Variants in GAK observed in about 807,000 individuals in gnomAD.
GAK encodes cyclin-G-associated kinase.
In GAK, 79 loss-of-function variants were observed where a neutral mutation model predicts 143.9. The ratio of observed to expected loss-of-function variants is 0.55; its 90% CI spans 0.46 to 0.66. The LOEUF is 0.66. Ranked by LOEUF, GAK falls within the 30% of genes least tolerant of loss-of-function variation. The pLI is 0.00. For synonymous variants in GAK, 881 were observed against 765.5 expected (o/e 1.15, Z -2.49); for missense variants, 1,693 against 1,779.7 (o/e 0.95, Z 0.88).
intron 1 of GAK, among the ~76,000 whole-genome samples, chr4:922,073 T>A (rs775315036): frequency 1.3e-4 from 20 of 152,092 alleles, no homozygotes; most frequent in Admixed American, 2.6e-4. Flanking sequence ...CCAAAATGCA[T>A]CTGCGGAAGC....
chr4:924,601 G>A (rs1022367428), intron 1 of GAK, among the ~76,000 whole-genome samples: 3 of 152,174 alleles, frequency 2.0e-5, no homozygotes, highest in East Asian at 1.9e-4. Context: ...CAGCACATAC[G>A]GTTTGGATCT....
intron 24 of GAK, among the ~76,000 whole-genome samples, chr4:858,356 C>T (rs1198905232): frequency 6.6e-6 from 1 of 152,214 alleles, no homozygotes; most frequent in Non-Finnish European, 1.5e-5. Flanking sequence ...TTCAGGCCGC[C>T]CACCGAGCCA....
chr4:905,535 C>CGCTACGGACTCCGCCACGCCCCATGCCAT (rs1560410391), intron 4 of GAK, among the ~76,000 whole-genome samples: 2 of 148,842 alleles, frequency 1.3e-5, no homozygotes, highest in Non-Finnish European at 3.0e-5. Context: ...CCCCATGCCA[C>CGCTACGGACTCCGCCACGCCCCATGCCAT]GCTACGGACT....
At position 883,413 on chromosome 4, in the gene GAK, C is replaced by T. The variant is rs200352055; in HGVS notation, c.1306G>A (p.Glu436Lys). ...GAGTCCAGGAACAACCGCACATCTTCGATGTTGTTTTTGAGCGCTGACTCC... is the reference window on the plus strand; with the variant it reads ...GAGTCCAGGAACAACCGCACATCTTTGATGTTGTTTTTGAGCGCTGACTCC... ...GVESALKNNI[E>K]DVRLFLDSKH... The change falls in exon 13 of 28, where the codon GAA (glutamate) becomes AAA (lysine). Residue 436 changes from glutamate to lysine, a missense_variant. By Grantham distance (56) the Glu-to-Lys change is moderately conservative. This residue lies in a region of GAK where 871 missense variants were observed against 991.0 expected (regional missense o/e 0.88). Coordinates refer to ENST00000314167, the MANE Select transcript of GAK (RefSeq NM_005255.4). 52 of 1,613,680 alleles carry T rather than the reference C, an allele frequency of 3.2e-5. No individual in the cohort carries two copies. Among genetic ancestry groups the T allele is most frequent in the South Asian group, 3.3e-5 (3 of 91,090 alleles).
chr4:922,209 T>C (rs924492075), intron 1 of GAK, among the ~76,000 whole-genome samples: 2 of 151,980 alleles, frequency 1.3e-5, no homozygotes, highest in African/African-American at 4.8e-5. Flanking sequence ...GATGTCAGCA[T>C]CCCCTCAGCA....
chr4:896,183 G>C (rs557656048), intron 7 of GAK, among the ~76,000 whole-genome samples: 2 of 152,314 alleles, frequency 1.3e-5, no homozygotes, highest in Non-Finnish European at 2.9e-5. Flanking sequence ...AGGATCCCTT[G>C]AGCCCAGGGG....
chr4:904,485 G>A, intron 5 of GAK, 152 bp downstream of exon 5: 1 of 769,540 alleles, frequency 1.3e-6, no homozygotes, highest in Admixed American at 3.6e-5. Context: ...TGAGGTCCCT[G>A]TGGATGATGG....
rs761704554 is a variant in GAK at position 896,477 on chromosome 4, C to T, written c.724G>A (p.Glu242Lys). 21 of 1,613,856 alleles carry T rather than the reference C, an allele frequency of 1.3e-5. No homozygotes were observed. The highest frequency in any genetic ancestry group is 2.2e-5 in the East Asian group (1 of 44,894). ...GACCTCACCCAGATATCCTGCTTCTCGCCGATCGGGAAGTTGGAATACAAG... is the reference window on the plus strand; with the variant it reads ...GACCTCACCCAGATATCCTGCTTCTTGCCGATCGGGAAGTTGGAATACAAG... ...IDLYSNFPIG[E>K]KQDIWALGCI... Residue 242 changes from glutamate (E) to lysine (K), a missense_variant, in exon 7 of 28, where the codon GAG becomes AAG. This residue lies in a region of GAK where 871 missense variants were observed against 991.0 expected (regional missense o/e 0.88). Transcript: ENST00000314167.
chr4:868,585 G>C lies in GAK; in HGVS notation c.2349C>G (p.Ser783Arg), dbSNP rs770790242. The change falls in exon 20 of 28, where the codon AGC becomes AGG. Residue 783 changes from serine to arginine, a missense_variant. Ser to Arg is a moderately radical substitution (Grantham distance 110). Transcript: ENST00000314167. ...AEPTDSDSPP[S>R]SSADASRFLH... ...GGAAGCGACTGGCGTCCGCGCTGCT[G>C]CTTGGCGGTGAGTCAGAGTCTGTGG... 19 of 1,604,638 alleles carry C rather than the reference G, an allele frequency of 1.2e-5. No homozygotes were observed. The African/African-American group carries it at 2.4e-4, about 20-fold the overall frequency.
rs1333893052 is a variant in GAK, at chr4:882,812, T to A, written c.1412A>T (p.Glu471Val). ...RPSRFHNRVSECGWAARRAPH... is the reference protein window; with the variant it reads ...RPSRFHNRVSVCGWAARRAPH... Reference sequence around the variant, plus strand: ...GGCCCGCCGTGCTGCCCAGCCACACTCGGAGACCTGTGGGGACAGGGCACG... The same window carrying A: ...GGCCCGCCGTGCTGCCCAGCCACACACGGAGACCTGTGGGGACAGGGCACG... The change falls in exon 14 of 28, where the codon GAG (glutamate) becomes GTG (valine). Residue 471 changes from glutamate to valine, a missense_variant. Physicochemically the swap from Glu to Val is moderately radical, Grantham distance 121. Around this residue, in one of 2 missense-constraint regions of GAK, gnomAD observed 871 missense variants for 991.0 expected, o/e 0.88. Coordinates refer to ENST00000314167, the MANE Select transcript of GAK (RefSeq NM_005255.4). 6.2e-7 allele frequency: 1 copy of A among 1,609,876 alleles called. No individual in the cohort carries two copies. The highest frequency in any genetic ancestry group is 8.5e-7 in the Non-Finnish European group (1 of 1,179,852).
At chr4:851,381 C>A in intron 25 of GAK, 2 of 460,962 alleles carry the variant, frequency 4.3e-6, no homozygotes, top group East Asian at 4.2e-5. Flanking sequence ...TAGGCGTGAG[C>A]CACAAAGCCC....
rs1231492448 is a variant in GAK at position 893,377 on chromosome 4, C to T, written c.990G>A (p.Glu330=). 2 of 1,569,464 alleles carry T rather than the reference C, an allele frequency of 1.3e-6. No homozygotes were observed. Among genetic ancestry groups the T allele is most frequent in the East Asian group, 2.3e-5 (1 of 42,654 alleles). The part of the protein sequence containing the change: ...RNVNPKSPIT[E]LLEQNGGYGS... Reference sequence around the variant, plus strand: ...TGGGGCTCACGTGTGCCTCCCTCACCTCTGTGATGGGAGACTTGGGGTTCA... The same window carrying T: ...TGGGGCTCACGTGTGCCTCCCTCACTTCTGTGATGGGAGACTTGGGGTTCA... Residue 330 remains glutamate, a splice_region_variant and synonymous_variant, in exon 9 of 28, where the codon GAG becomes GAA. Transcript: ENST00000314167.
chr4:897,064 C>A (rs979208813), intron 6 of GAK, among the ~76,000 whole-genome samples: 5 of 152,196 alleles, frequency 3.3e-5, no homozygotes, highest in African/African-American at 1.2e-4. Flanking sequence ...GAGGCTGGGG[C>A]CACAGAGCTG....
At chr4:850,296 A>C (rs1416286638) in intron 26 of GAK, 3 of 434,296 alleles carry the variant, frequency 6.9e-6, no homozygotes, top group African/African-American at 2.0e-5. Flanking sequence ...GGCCAGAGGG[A>C]CCCTCGTCTC....
intron 3 of GAK, 139 bp from the exon 4 acceptor site, chr4:911,926 A>C: frequency 1.5e-6 from 1 of 645,548 alleles, no homozygotes; most frequent in South Asian, 1.7e-5. Context: ...GTCAGAGCGG[A>C]AGATGAGGGA....
Position 904,640 on chromosome 4 carries a change from G to C in GAK, c.522C>G (p.Leu174=). ...CGCGTGTGGAGGGAGCCACTACCTT[G>C]AGGTCCCTGTGGATGATGGGCGGCT... ...RQKPPIIHRD[L]KVENLLLSNQ... is the part of the protein sequence containing the mutation. The change falls in exon 5 of 28, where the codon CTC becomes CTG. Residue 174 remains leucine (L), a synonymous_variant. Coordinates refer to ENST00000314167, the MANE Select transcript of GAK (RefSeq NM_005255.4). 6.3e-7 allele frequency: 1 copy of C among 1,589,254 alleles called. No individual in the cohort carries two copies. Among genetic ancestry groups the C allele is most frequent in the South Asian group, 1.1e-5 (1 of 87,696 alleles).
Position 867,376 on chromosome 4 carries a change from C to T in GAK, c.2452G>A (p.Ala818Thr). The part of the protein sequence containing the change: ...ENASSKESES[A>T]LMEDRDESEV... ...CTCTCGTCTCTGTCCTCCATCAGGG[C>T]AGACTCGCTCTCCTTGGAAGAGGCA... is the stretch of plus-strand genomic sequence containing the variant. The change falls in exon 21 of 28, where the codon GCC (alanine) becomes ACC (threonine). Residue 818 changes from alanine to threonine, a missense_variant. Coordinates refer to ENST00000314167, the MANE Select transcript of GAK (RefSeq NM_005255.4). 3 of 1,578,566 alleles carry T rather than the reference C, an allele frequency of 1.9e-6. No homozygotes were observed. Among genetic ancestry groups the T allele is most frequent in the Non-Finnish European group, 2.6e-6 (3 of 1,158,998 alleles).
At chr4:917,745 A>G (rs1191506956) in intron 1 of GAK, among the ~76,000 whole-genome samples, 1 of 152,252 alleles carries the variant, frequency 6.6e-6, no homozygotes, top group Non-Finnish European at 1.5e-5. Context: ...ACATACATAC[A>G]TGACATGTGC....
intron 2 of GAK, among the ~76,000 whole-genome samples, chr4:913,116 G>A (rs1313924194): frequency 1.3e-5 from 2 of 152,216 alleles, no homozygotes; most frequent in Non-Finnish European, 2.9e-5. Context: ...TGCAGACCAC[G>A]ACAACAGGCC....
Sources: allele counts gnomAD v4.1 joint callset (sites outside exome capture counted in the v4.1 genomes callset), GRCh38; gene constraint gnomAD v4.1.1; regional missense constraint gnomAD v4.1.1; transcripts MANE v1.5; gene names NCBI Gene and HGNC (gene_info 2026-07-23, HGNC 2026-07-21).